The following MYBPC3 variants were observed in gnomAD, a reference collection of about 807,000 sequenced individuals.
MYBPC3 encodes the protein myosin-binding protein C, cardiac-type.
A neutral mutation model predicts 159.3 loss-of-function variants in MYBPC3; 108 were observed. That is an observed-to-expected ratio of 0.68 (90% CI 0.58 to 0.80). The LOEUF is 0.80. Ranked by LOEUF, MYBPC3 falls within the 30% of genes least tolerant of loss-of-function variation. The pLI is 0.00. For missense variants in MYBPC3, 1,631 were observed against 1,762.1 expected (o/e 0.93, Z 1.33); for synonymous variants, 730 against 702.0 (o/e 1.04, Z -0.63).
intron 9 of MYBPC3, 33 bp downstream of exon 9, chr11:47,347,393 C>T (rs1037808934): frequency 1.9e-6 from 3 of 1,565,000 alleles, no homozygotes; most frequent in Non-Finnish European, 2.6e-6. Flanking sequence ...CAGGCCTCAC[C>T]AGCTGCCCCA....
Position 47,350,662 on chromosome 11 carries a change from C to T in MYBPC3, c.293-47G>A, listed in dbSNP as rs897318018. On this transcript the variant is annotated intron_variant, in intron 2 of 34. Transcript: ENST00000545968. ...TCGTGGTGCAGCCACTAACCAGAGA[C>T]CCCTCCACCCTCTCTCTCCTGAGCA... 12 of 1,425,726 alleles carry T rather than the reference C, an allele frequency of 8.4e-6. No homozygotes were observed. The African/African-American group carries it at 1.2e-4, about 14-fold the overall frequency. 88.3% of individuals were successfully genotyped at this position (1,425,726 alleles called of 1,614,324 possible). A position where few individuals can be genotyped will look rare whatever the true frequency, so the allele number is the denominator to read the frequency against.
chr11:47,334,932 G>A lies in MYBPC3; in HGVS notation c.2905+110C>T, dbSNP rs529824488. On this transcript the variant is annotated intron_variant, in intron 27 of 34. Coordinates refer to ENST00000545968, the MANE Select transcript of MYBPC3 (RefSeq NM_000256.3). Reference sequence around the variant, plus strand: ...CTCCAACCCCTCCTGTCTCTGCCCAGCGTTCTGGGCAGAGCATTCTGGGCC... The same window carrying A: ...CTCCAACCCCTCCTGTCTCTGCCCAACGTTCTGGGCAGAGCATTCTGGGCC... 9 of 1,247,270 alleles carry A rather than the reference G, an allele frequency of 7.2e-6. No homozygotes were observed. The South Asian group carries it at 1.8e-4, about 25-fold the overall frequency. 77.3% of individuals were successfully genotyped at this position (1,247,270 alleles called of 1,614,324 possible). A position where few individuals can be genotyped will look rare whatever the true frequency, so the allele number is the denominator to read the frequency against.
In MYBPC3 at chr11:47,341,205, G is replaced by C. The variant is rs768049705; in HGVS notation, c.1830C>G (p.Asp610Glu). ...CGGGCACAAAGCTGTAGTCAGCCTCGTCGGCAGGTGTGACGTCGTCAATGG... is the reference window on the plus strand; with the variant it reads ...CGGGCACAAAGCTGTAGTCAGCCTCCTCGGCAGGTGTGACGTCGTCAATGG... ...KLTIDDVTPA[D>E]EADYSFVPEG... The change falls in exon 19 of 35, where the codon GAC becomes GAG. Residue 610 changes from aspartate to glutamate, a missense_variant. Asp to Glu is a conservative substitution (Grantham distance 45). Transcript: ENST00000545968. 1.9e-6 allele frequency: 3 copies of C among 1,599,120 alleles called. No individual in the cohort carries two copies. Among genetic ancestry groups the C allele is most frequent in the African/African-American group, 1.3e-5 (1 of 74,734 alleles).
At position 47,332,847 on chromosome 11, in the gene MYBPC3, T is replaced by A. The variant is rs746297609; in HGVS notation, c.3457A>T (p.Thr1153Ser). 2.5e-6 allele frequency: 4 copies of A among 1,607,156 alleles called. No individual in the cohort carries two copies. Among genetic ancestry groups the A allele is most frequent in the Non-Finnish European group, 3.4e-6 (4 of 1,177,008 alleles). ...NMVGFSDRAA[T>S]TKEPVFIPRP... ...GGGATAAAGACGGGCTCCTTGGTGG[T>A]GGCCGCTCTGTCACTAAAGCCAACC... Residue 1153 changes from threonine to serine, a missense_variant, in exon 31 of 35, where the codon ACC (threonine) becomes TCC (serine). Physicochemically the swap from Thr to Ser is moderately conservative, Grantham distance 58. Coordinates refer to ENST00000545968, the MANE Select transcript of MYBPC3 (RefSeq NM_000256.3). This position sits in a 1 kb window ranked among gnomAD's most constrained non-coding sequence, Gnocchi z 4.2.
intron 20 of MYBPC3, among the ~76,000 whole-genome samples, 191 bp from the exon 21 acceptor site, chr11:47,339,981 C>T (rs2142858070): frequency 6.6e-6 from 1 of 152,258 alleles, no homozygotes; most frequent in Non-Finnish European, 1.5e-5. Flanking sequence ...ATTATTAATC[C>T]AACCAAGATC....
At chr11:47,347,193 G>A in intron 9 of MYBPC3, 164 bp from the exon 10 acceptor site, 1 of 985,084 alleles carries the variant, frequency 1.0e-6, no homozygotes, top group Middle Eastern at 5.2e-4. Flanking sequence ...AGCTTTTGCA[G>A]CCTCAAGTGT....
intron 18 of MYBPC3, among the ~76,000 whole-genome samples, 161 bp from the exon 19 acceptor site, chr11:47,341,405 G>A (rs1255774414): frequency 2.6e-5 from 4 of 152,178 alleles, no homozygotes; most frequent in African/African-American, 9.7e-5. Context: ...TAATTTTCCA[G>A]CTTTTTAATG....
intron 9 of MYBPC3, 162 bp from the exon 10 acceptor site, chr11:47,347,191 C>T: frequency 1.0e-6 from 1 of 985,022 alleles, no homozygotes; most frequent in Non-Finnish European, 1.2e-6. Context: ...GGAGCTTTTG[C>T]AGCCTCAAGT....
intron 28 of MYBPC3, 60 bp downstream of exon 28, chr11:47,333,862 A>G (rs1222833672): frequency 1.3e-6 from 2 of 1,551,826 alleles, no homozygotes; most frequent in African/African-American, 2.7e-5. Context: ...AGTCCACTGG[A>G]TGGGAACAAC....
At chr11:47,335,737 A>G in intron 26 of MYBPC3, 140 bp downstream of exon 26, 1 of 714,958 alleles carries the variant, frequency 1.4e-6, no homozygotes, top group Non-Finnish European at 2.1e-6. Flanking sequence ...TACTTCTGAA[A>G]ACAGGACAGA....
chr11:47,332,346 C>T lies in MYBPC3; in HGVS notation c.3628-88G>A. 1 of 1,506,788 alleles carries T rather than the reference C, an allele frequency of 6.6e-7. No homozygotes were observed. Among genetic ancestry groups the T allele is most frequent in the Non-Finnish European group, 9.2e-7 (1 of 1,088,338 alleles). The allele number at this position is 1,506,788 out of a possible 1,614,324, so 93.3% of individuals were successfully genotyped here. A position where few individuals can be genotyped will look rare whatever the true frequency, so the allele number is the denominator to read the frequency against. ...CCAGGGAGACACATCTGTGTTTCTA[C>T]TCGGGGGGTCCCACGAGAGTCCCTG... On this transcript the variant is annotated intron_variant, in intron 32 of 34. Coordinates refer to ENST00000545968, the MANE Select transcript of MYBPC3 (RefSeq NM_000256.3). This position sits in a 1 kb window ranked among gnomAD's most constrained non-coding sequence, Gnocchi z 4.2.
chr11:47,348,416 C>G lies in MYBPC3; in HGVS notation c.772+8G>C. 4.4e-6 allele frequency: 7 copies of G among 1,595,112 alleles called. No homozygotes were observed. The highest frequency in any genetic ancestry group is 6.0e-6 in the Non-Finnish European group (7 of 1,165,726). ...CCGAGCCCAGGACAGACACCAGGGC[C>G]CCCTCACCGTGGACAGTGAGATTGA... On this transcript the variant is annotated splice_region_variant and intron_variant, in intron 6 of 34. Transcript: ENST00000545968.
At chr11:47,340,437 G>A (rs1001278854) in intron 20 of MYBPC3, among the ~76,000 whole-genome samples, 1 of 152,244 alleles carries the variant, frequency 6.6e-6, no homozygotes, top group African/African-American at 2.4e-5. Flanking sequence ...GGCCGAGGCA[G>A]GCAGATCATG....
intron 34 of MYBPC3, 32 bp downstream of exon 34, chr11:47,331,813 G>A: frequency 6.3e-7 from 1 of 1,582,842 alleles, no homozygotes; most frequent in Non-Finnish European, 8.6e-7. Context: ...CTCAGCCACT[G>A]ACTTGTGCCC....
intron 7 of MYBPC3, 46 bp from the exon 8 acceptor site, chr11:47,347,726 T>C: frequency 6.4e-7 from 1 of 1,555,062 alleles, no homozygotes; most frequent in Non-Finnish European, 8.7e-7. Flanking sequence ...GGAAGCTTGC[T>C]CTCCCCTGCA....
At chr11:47,335,438 C>T (rs776177533) in intron 26 of MYBPC3, 11 of 367,730 alleles carry the variant, frequency 3.0e-5, no homozygotes, top group African/African-American at 4.2e-5. Context: ...AGTGATTCTC[C>T]TGCCTCAGCC....
At position 47,332,580 on chromosome 11, in the gene MYBPC3, G is replaced by T; in HGVS notation, c.3613C>A (p.Arg1205=). The T allele has an allele frequency of 6.2e-7, 1 of 1,612,496 alleles. No homozygotes were observed. The highest frequency in any genetic ancestry group is 1.7e-4 in the Middle Eastern group (1 of 6,056). Residue 1205 remains arginine, a synonymous_variant, in exon 32 of 35, where the codon CGG becomes AGG. Transcript: ENST00000545968. The surrounding 1 kb of genome is among the most constrained non-coding windows in gnomAD (Gnocchi z 4.2). ...GYTAMLCCAV[R]GSPKPKISWF... Reference sequence around the variant, plus strand: ...AAGTTCCCTACCTTGGGGCTACCCCGGACAGCACAGCAGAGCATAGCAGTG... The same window carrying T: ...AAGTTCCCTACCTTGGGGCTACCCCTGACAGCACAGCAGAGCATAGCAGTG...
intron 13 of MYBPC3, 21 bp downstream of exon 13, chr11:47,343,471 C>A (rs751655461): frequency 4.5e-6 from 7 of 1,565,714 alleles, no homozygotes; most frequent in Admixed American, 1.9e-5. Context: ...CCCGAGCCCC[C>A]CTCCCCACCC....
At chr11:47,350,242 G>A (rs1200994737) in intron 3 of MYBPC3, 130 bp from the exon 4 acceptor site, 1 of 1,228,744 alleles carries the variant, frequency 8.1e-7, no homozygotes, top group Admixed American at 2.4e-5. Flanking sequence ...TCCTGCCTCA[G>A]CCTCCCAAGT....
Sources: allele counts gnomAD v4.1 joint callset (sites outside exome capture counted in the v4.1 genomes callset), GRCh38; gene constraint gnomAD v4.1.1; non-coding constraint Gnocchi (gnomAD v3.1); transcripts MANE v1.5; gene names NCBI Gene and HGNC (gene_info 2026-07-23, HGNC 2026-07-21).